CDKAL1: variants seen among roughly 807,000 people sequenced by gnomAD.
CDKAL1 encodes the protein CDKAL1 threonylcarbamoyladenosine tRNA methylthiotransferase.
CDKAL1 carries 32 observed loss-of-function variants against 68.2 expected under a neutral mutation model. That is an observed-to-expected ratio of 0.47 (90% CI 0.35 to 0.63). CDKAL1 has a LOEUF of 0.63. Among genes scored for constraint, CDKAL1 ranks in the 30% least tolerant of loss-of-function variants. The pLI, the probability that CDKAL1 is intolerant of heterozygous loss-of-function variation, is 0.00. For missense variants in CDKAL1, 606 were observed against 696.7 expected (o/e 0.87, Z 1.47); for synonymous variants, 234 against 244.3 (o/e 0.96, Z 0.39).
intron 5 of CDKAL1, among the ~76,000 whole-genome samples, chr6:20,698,928 T>G (rs759217725): frequency 2.6e-5 from 4 of 152,140 alleles, no homozygotes; most frequent in East Asian, 1.9e-4. Context: ...ATTTAAATGA[T>G]ACAAATCAGA....
intron 12 of CDKAL1, among the ~76,000 whole-genome samples, chr6:21,101,928 C>T (rs995081515): frequency 2.6e-5 from 4 of 151,990 alleles, no homozygotes; most frequent in African/African-American, 7.3e-5. Context: ...CTCCCCTTGC[C>T]CCTAGCTTAA....
intron 7 of CDKAL1, among the ~76,000 whole-genome samples, chr6:20,774,462 T>C (rs1228263501): frequency 6.6e-6 from 1 of 152,218 alleles, no homozygotes; most frequent in Non-Finnish European, 1.5e-5. Context: ...GTGACCTTTA[T>C]GATTGGCTTC....
At chr6:20,797,332 A>G (rs1776148776) in intron 8 of CDKAL1, among the ~76,000 whole-genome samples, 1 of 152,252 alleles carries the variant, frequency 6.6e-6, no homozygotes, top group Non-Finnish European at 1.5e-5. Flanking sequence ...AAAATGAAAA[A>G]TATTGATAGT....
At chr6:20,599,302 T>TG (rs772610986) in intron 4 of CDKAL1, 71 of 441,064 alleles carry the variant, frequency 1.6e-4, no homozygotes, top group Middle Eastern at 1.2e-3. Flanking sequence ...TAATAACTTG[T>TG]AAAGAATAAA....
intron 8 of CDKAL1, among the ~76,000 whole-genome samples, chr6:20,840,612 A>G (rs1014958979): frequency 6.6e-6 from 1 of 152,208 alleles, no homozygotes; most frequent in African/African-American, 2.4e-5. Context: ...CAGGAAGCTT[A>G]AAGAAGGTAG....
chr6:20,869,404 A>G (rs1760076018), intron 9 of CDKAL1, among the ~76,000 whole-genome samples: 1 of 152,228 alleles, frequency 6.6e-6, no homozygotes, highest in Non-Finnish European at 1.5e-5. Context: ...TAAAGAGTAA[A>G]TAGTAAACCA....
At chr6:21,213,799 C>T (rs1779246631) in intron 15 of CDKAL1, among the ~76,000 whole-genome samples, 1 of 152,222 alleles carries the variant, frequency 6.6e-6, no homozygotes, top group Admixed American at 6.5e-5. Flanking sequence ...TCAAAACCAT[C>T]TAGTGCTCCA....
chr6:20,990,727 T>C (rs554524635), intron 10 of CDKAL1, among the ~76,000 whole-genome samples: 1 of 152,358 alleles, frequency 6.6e-6, no homozygotes, highest in Non-Finnish European at 1.5e-5. Context: ...TTAGTAGCTG[T>C]TACAGTGCCA....
At chr6:20,805,003 TGA>T (rs913524985) in intron 8 of CDKAL1, among the ~76,000 whole-genome samples, 1 of 152,064 alleles carries the variant, frequency 6.6e-6, no homozygotes, top group African/African-American at 2.4e-5. Flanking sequence ...CCAGCCTGGG[TGA>T]GAGAGTGAGA....
chr6:20,788,824 T>C (rs1241615719), intron 8 of CDKAL1, among the ~76,000 whole-genome samples: 1 of 152,222 alleles, frequency 6.6e-6, no homozygotes. Context: ...TGCTGTTCAA[T>C]GTTGGTTCTT....
chr6:21,150,297 A>G (rs925639077), intron 13 of CDKAL1, among the ~76,000 whole-genome samples: 13 of 152,202 alleles, frequency 8.5e-5, no homozygotes, highest in African/African-American at 2.9e-4. Flanking sequence ...CCAGCAAGGT[A>G]TTCAGGTTTT....
At chr6:20,609,804 G>C (rs1766537396) in intron 4 of CDKAL1, among the ~76,000 whole-genome samples, 1 of 151,902 alleles carries the variant, frequency 6.6e-6, no homozygotes, top group Non-Finnish European at 1.5e-5. Context: ...TTTTACTTCA[G>C]GGGTACAAGT....
intron 4 of CDKAL1, among the ~76,000 whole-genome samples, chr6:20,612,309 G>GT (rs1364599909): frequency 6.6e-6 from 1 of 151,780 alleles, no homozygotes; most frequent in Admixed American, 6.6e-5. Context: ...TCTATTTGTA[G>GT]TTTTTTGAGA....
At chr6:20,647,118 A>G (rs1397314303) in intron 4 of CDKAL1, among the ~76,000 whole-genome samples, 1 of 152,030 alleles carries the variant, frequency 6.6e-6, no homozygotes, top group Non-Finnish European at 1.5e-5. Flanking sequence ...CATCTGTGAC[A>G]TTTTCTTGTC....
Position 21,043,184 on chromosome 6 carries a change from A to C in CDKAL1, c.1056-21864A>C, listed in dbSNP as rs183316005. Among the ~76,000 whole-genome samples, 168 of 152,334 alleles carry C rather than the reference A, an allele frequency of 1.1e-3. 1 individual carries two copies. The highest frequency in any genetic ancestry group is 1.8e-3 in the Admixed American group (28 of 15,294). On this transcript the variant is annotated intron_variant, in intron 11 of 15. Coordinates refer to ENST00000274695, the MANE Select transcript of CDKAL1 (RefSeq NM_017774.3). ...TATAGCATCTTATTGTCTTTAGCAC[A>C]TAGCACAGTTATAGAGCATAGAATG...
intron 12 of CDKAL1, among the ~76,000 whole-genome samples, chr6:21,088,971 T>C (rs1310010516): frequency 6.6e-6 from 1 of 152,120 alleles, no homozygotes; most frequent in Non-Finnish European, 1.5e-5. Context: ...ATTAGTATGA[T>C]ATAGACAATG....
intron 5 of CDKAL1, among the ~76,000 whole-genome samples, chr6:20,670,752 T>C (rs978763278): frequency 1.3e-5 from 2 of 152,206 alleles, no homozygotes; most frequent in African/African-American, 4.8e-5. Context: ...CCCATGGAAA[T>C]TTTTAAATTT....
intron 13 of CDKAL1, among the ~76,000 whole-genome samples, chr6:21,189,763 T>C (rs1318131735): frequency 6.6e-6 from 1 of 152,240 alleles, no homozygotes; most frequent in Admixed American, 6.5e-5. Flanking sequence ...GTTATTGCTA[T>C]TATTACTGTT....
At chr6:20,534,892 G>A (rs1763108032) in intron 1 of CDKAL1, among the ~76,000 whole-genome samples, 1 of 152,196 alleles carries the variant, frequency 6.6e-6, no homozygotes, top group African/African-American at 2.4e-5. Flanking sequence ...GGCTTTCGCA[G>A]TTATATAGCT....
Sources: gnomAD v4.1 joint callset for allele counts (sites outside exome capture counted in the v4.1 genomes callset) on GRCh38, gnomAD v4.1.1 for gene constraint, MANE v1.5 for transcripts, NCBI Gene and HGNC (gene_info 2026-07-23, HGNC 2026-07-21) for gene names.